The following MMP20 variants were observed in gnomAD, a reference collection of about 807,000 sequenced individuals.
MMP20 encodes matrix metalloproteinase-20.
In MMP20, 50 loss-of-function variants were observed where a neutral mutation model predicts 51.8. That is an observed-to-expected ratio of 0.97 (90% CI 0.77 to 1.22). MMP20 has a LOEUF of 1.22. Ranked by LOEUF, MMP20 falls within the 50% of genes most tolerant of loss-of-function variation. The pLI is 0.00. For missense variants in MMP20, 663 were observed against 601.4 expected (o/e 1.10, Z -1.07); for synonymous variants, 244 against 216.2 (o/e 1.13, Z -1.13).
intron 1 of MMP20, among the ~76,000 whole-genome samples, 180 bp from the exon 2 acceptor site, chr11:102,617,239 G>T (rs552054791): frequency 6.6e-6 from 1 of 152,156 alleles, no homozygotes; most frequent in Admixed American, 6.6e-5. Flanking sequence ...AATTATTAAC[G>T]ATGATTGGTT....
chr11:102,618,636 G>C (rs1419917682), intron 1 of MMP20, among the ~76,000 whole-genome samples: 1 of 151,926 alleles, frequency 6.6e-6, no homozygotes, highest in African/African-American at 2.4e-5. Context: ...TCTTTATAAG[G>C]TTATAATAAT....
chr11:102,602,870 T>C (rs1007799573), intron 6 of MMP20, among the ~76,000 whole-genome samples: 3 of 152,240 alleles, frequency 2.0e-5, no homozygotes, highest in Non-Finnish European at 4.4e-5. Context: ...ATAATTTTGG[T>C]GTGGCTACAA....
At chr11:102,602,144 AT>A (rs1204383132) in intron 6 of MMP20, among the ~76,000 whole-genome samples, 1 of 72,100 alleles carries the variant, frequency 1.4e-5, no homozygotes, top group Non-Finnish European at 2.7e-5. Context: ...TTTTTTTTGT[AT>A]TTTTAGTAGA....
intron 8 of MMP20, among the ~76,000 whole-genome samples, chr11:102,591,439 G>T (rs1038428406): frequency 6.6e-6 from 1 of 152,190 alleles, no homozygotes. Flanking sequence ...ATCACAACTT[G>T]TTAAGAAATT....
At chr11:102,605,518 T>A (rs1418264698) in intron 6 of MMP20, 1 of 151,830 alleles carries the variant, frequency 6.6e-6, no homozygotes, top group Non-Finnish European at 1.5e-5. Context: ...TTCTCAAACG[T>A]CTGCTCCTCA....
At chr11:102,586,773 T>A (rs1490399309) in intron 8 of MMP20, among the ~76,000 whole-genome samples, 1 of 151,882 alleles carries the variant, frequency 6.6e-6, no homozygotes, top group Non-Finnish European at 1.5e-5. Context: ...GCCGAGATCA[T>A]GCCACTGTAC....
At chr11:102,587,083 T>C (rs545171573) in intron 8 of MMP20, among the ~76,000 whole-genome samples, 1 of 152,330 alleles carries the variant, frequency 6.6e-6, no homozygotes, top group South Asian at 2.1e-4. Flanking sequence ...TATAGGCTTT[T>C]ATAGCTATAA....
intron 6 of MMP20, among the ~76,000 whole-genome samples, chr11:102,598,383 G>A (rs117069005): frequency 0.017 from 2,661 of 152,260 alleles, 38 homozygotes; most frequent in Non-Finnish European, 0.026. Flanking sequence ...TGATAAGGAA[G>A]GCAAAACAAT....
At chr11:102,593,288 G>A in intron 8 of MMP20, 151 bp downstream of exon 8, 1 of 681,014 alleles carries the variant, frequency 1.5e-6, no homozygotes, top group Non-Finnish European at 2.5e-6. Flanking sequence ...CTTGAAGACA[G>A]TCAACCATCT....
Position 102,609,052 on chromosome 11 carries a change from C to T in MMP20, c.696G>A (p.Leu232=), listed in dbSNP as rs1859558632. ...ATGGGTCTGTGGAATGGGCCAGGCC[C>T]AGGGCATGGCCAAATTCATGAGCAG... is the stretch of plus-strand genomic sequence containing the variant. The part of the protein sequence containing the change: ...TVAAHEFGHA[L]GLAHSTDPSA... The change falls in exon 5 of 10, where the codon CTG becomes CTA. Residue 232 remains leucine (L), a synonymous_variant. Coordinates refer to ENST00000260228, the MANE Select transcript of MMP20 (RefSeq NM_004771.4). 1 of 1,614,058 alleles carries T rather than the reference C, an allele frequency of 6.2e-7. No homozygotes were observed. Among genetic ancestry groups the T allele is most frequent in the Non-Finnish European group, 8.5e-7 (1 of 1,179,994 alleles).
intron 8 of MMP20, among the ~76,000 whole-genome samples, chr11:102,583,953 C>A (rs913840415): frequency 5.3e-5 from 8 of 152,124 alleles, no homozygotes; most frequent in Non-Finnish European, 2.9e-5. Context: ...TACCATGTAC[C>A]AGCATTTCAT....
chr11:102,582,741 G>A (rs1859211468), intron 8 of MMP20, among the ~76,000 whole-genome samples: 1 of 151,992 alleles, frequency 6.6e-6, no homozygotes, highest in Non-Finnish European at 1.5e-5. Flanking sequence ...AAGAATGTCA[G>A]GACACAAAAT....
At chr11:102,581,910 T>C (rs1859200194) in intron 8 of MMP20, among the ~76,000 whole-genome samples, 2 of 152,216 alleles carry the variant, frequency 1.3e-5, no homozygotes, top group African/African-American at 2.4e-5. Context: ...ATATCTTGAG[T>C]ATCTGCTAAA....
At chr11:102,625,049 A>G (rs1425509453) in intron 1 of MMP20, 145 bp downstream of exon 1, 1 of 1,040,228 alleles carries the variant, frequency 9.6e-7, no homozygotes, top group African/African-American at 1.6e-5. Context: ...CTAGGTGGAC[A>G]GAAGATAGCA....
Position 102,608,927 on chromosome 11 carries a change from A to T in MMP20, c.811+10T>A. On this transcript the variant is annotated intron_variant, in intron 5 of 9. Transcript: ENST00000260228. ...TCAGGGTGAGTCATCAAAGAAGGTA[A>T]TAATCTTACCGTATAATGCCTGGAT... The T allele has an allele frequency of 6.2e-7, 1 of 1,613,906 alleles. No individual in the cohort carries two copies. Among genetic ancestry groups the T allele is most frequent in the Non-Finnish European group, 8.5e-7 (1 of 1,179,778 alleles).
chr11:102,602,116 A>ATTTTTTTTTTTTT (rs10593493), intron 6 of MMP20, among the ~76,000 whole-genome samples: 2 of 109,662 alleles, frequency 1.8e-5, no homozygotes, highest in Non-Finnish European at 3.6e-5. Flanking sequence ...CGCCCGGCTA[A>ATTTTTTTTTTTTT]TTTTTTTTTT....
In MMP20 at chr11:102,608,933, TTACC is replaced by T. The variant is rs747807090; in HGVS notation, c.811_811+3del. On this transcript the variant is annotated splice_donor_variant and splice_donor_region_variant and coding_sequence_variant and intron_variant, in exon 5 of 10. Coordinates refer to ENST00000260228, the MANE Select transcript of MMP20 (RefSeq NM_004771.4). LOFTEE classifies it high-confidence loss of function. ...TGAGTCATCAAAGAAGGTAATAATC[TTACC>T]GTATAATGCCTGGATCCCTTTCACA... The T allele has an allele frequency of 1.2e-5, 20 of 1,613,996 alleles. No homozygotes were observed. Among genetic ancestry groups the T allele is most frequent in the Admixed American group, 1.7e-5 (1 of 60,018 alleles).
chr11:102,612,411 G>C (rs1388900924), intron 2 of MMP20, among the ~76,000 whole-genome samples: 2 of 152,226 alleles, frequency 1.3e-5, no homozygotes, highest in Non-Finnish European at 2.9e-5. Context: ...GTTGCAGTGA[G>C]CCAAGATCGG....
intron 2 of MMP20, among the ~76,000 whole-genome samples, chr11:102,614,688 A>G (rs1278999829): frequency 6.6e-6 from 1 of 152,108 alleles, no homozygotes; most frequent in Non-Finnish European, 1.5e-5. Context: ...ATTGGCTGAT[A>G]GCAGGTAACA....
Sources: gnomAD v4.1 joint callset for allele counts (sites outside exome capture counted in the v4.1 genomes callset) on GRCh38, gnomAD v4.1.1 for gene constraint, MANE v1.5 for transcripts, NCBI Gene and HGNC (gene_info 2026-07-23, HGNC 2026-07-21) for gene names.